REV1: variants seen among roughly 807,000 people sequenced by gnomAD.
The protein encoded by REV1 is REV1 DNA directed polymerase, also known as translesion synthesis protein REV1.
REV1 carries 42 observed loss-of-function variants against 137.4 expected under a neutral mutation model. The ratio of observed to expected loss-of-function variants is 0.31; its 90% CI spans 0.24 to 0.40. The LOEUF is 0.40. Ranked by LOEUF, REV1 falls within the 10% of genes least tolerant of loss-of-function variation. The pLI, the probability that REV1 is intolerant of heterozygous loss-of-function variation, is 1.00. For synonymous variants in REV1, 524 were observed against 519.2 expected (o/e 1.01, Z -0.12); for missense variants, 1,282 against 1,490.1 (o/e 0.86, Z 2.30).
chr2:99,430,687 A>C (rs973767157), intron 8 of REV1, among the ~76,000 whole-genome samples: 4 of 152,212 alleles, frequency 2.6e-5, no homozygotes, highest in Non-Finnish European at 5.9e-5. Flanking sequence ...CAAATTTACA[A>C]CTTTACACAA....
chr2:99,467,785 CCT>C (rs1684973105), intron 1 of REV1, among the ~76,000 whole-genome samples: 2 of 152,216 alleles, frequency 1.3e-5, no homozygotes, highest in Admixed American at 1.3e-4. Flanking sequence ...GTGGCTCACC[CCT>C]GTAATCCCAG....
chr2:99,472,774 G>C (rs528977647), intron 1 of REV1, among the ~76,000 whole-genome samples: 35 of 152,324 alleles, frequency 2.3e-4, no homozygotes, highest in African/African-American at 8.2e-4. Context: ...GAGTGACTAA[G>C]TACATAAAGT....
At chr2:99,419,404 GT>G (rs1256225291) in intron 11 of REV1, among the ~76,000 whole-genome samples, 1 of 151,648 alleles carries the variant, frequency 6.6e-6, no homozygotes, top group Non-Finnish European at 1.5e-5. Context: ...TACAGACGGG[GT>G]TTCACCATGT....
intron 12 of REV1, among the ~76,000 whole-genome samples, chr2:99,413,225 CACTT>C (rs1677424437): frequency 6.6e-6 from 1 of 152,180 alleles, no homozygotes; most frequent in Admixed American, 6.5e-5. Flanking sequence ...TCAAAAATGT[CACTT>C]TCTTTATTAG....
At chr2:99,444,142 T>C (rs889510522) in intron 4 of REV1, among the ~76,000 whole-genome samples, 1 of 152,190 alleles carries the variant, frequency 6.6e-6, no homozygotes, top group Non-Finnish European at 1.5e-5. Flanking sequence ...TAATAGTTGG[T>C]CTCAATTGCC....
At chr2:99,486,528 CA>C (rs36112989) in intron 1 of REV1, among the ~76,000 whole-genome samples, 47 of 145,876 alleles carry the variant, frequency 3.2e-4, no homozygotes, top group Non-Finnish European at 3.6e-4. Flanking sequence ...GACTCCATCT[CA>C]AAAAAAAAAA....
chr2:99,464,927 T>G lies in REV1; in HGVS notation c.49A>C (p.Thr17Pro). The change falls in exon 2 of 23, where the codon ACA becomes CCA. Residue 17 changes from threonine to proline, a missense_variant. Physicochemically the swap from Thr to Pro is conservative, Grantham distance 38 (BLOSUM62 -1). Transcript: ENST00000258428. ...RKRAENDGWE[T>P]WGGYMAAKVQ... ...TTTACTCTTTTAAAACACACCCATG[T>G]TTCCCAGCCATCATTTTCAGCTCGC... The G allele has an allele frequency of 6.2e-7, 1 of 1,613,444 alleles. No individual in the cohort carries two copies. Among genetic ancestry groups the G allele is most frequent in the African/African-American group, 1.3e-5 (1 of 75,044 alleles).
At chr2:99,435,339 T>C (rs1478026457) in intron 7 of REV1, 1 of 152,310 alleles carries the variant, frequency 6.6e-6, no homozygotes. Flanking sequence ...TTCACAAATA[T>C]CTGCAATTTC....
rs765400663 is a variant in REV1, at chr2:99,442,445, G to C, written c.375C>G (p.Ser125=). ...TGGTGTACAGCTGATATGGAATGTAGGAGAGGAGTCGTCCAGCTTTGATGC... is the reference window on the plus strand; with the variant it reads ...TGGTGTACAGCTGATATGGAATGTACGAGAGGAGTCGTCCAGCTTTGATGC... ...VESIKAGRLL[S]YIPYQLYTKQ... The change falls in exon 5 of 23, where the codon TCC becomes TCG. Residue 125 remains serine, a synonymous_variant. Transcript: ENST00000258428. 3.0e-5 allele frequency: 49 copies of C among 1,613,774 alleles called. No homozygotes were observed. Among genetic ancestry groups the C allele is most frequent in the Non-Finnish European group, 4.1e-5 (48 of 1,179,860 alleles).
At chr2:99,403,216 C>CA (rs1675750440) in intron 19 of REV1, 110 bp from the exon 20 acceptor site, 1 of 851,646 alleles carries the variant, frequency 1.2e-6, no homozygotes, top group Non-Finnish European at 1.8e-6. Context: ...CCCTAGCCTA[C>CA]ACCTCCCCTC....
At chr2:99,420,315 C>T (rs1559314008) in intron 11 of REV1, among the ~76,000 whole-genome samples, 1 of 152,154 alleles carries the variant, frequency 6.6e-6, no homozygotes, top group Non-Finnish European at 1.5e-5. Context: ...TTCCTAAAGA[C>T]AGTAAACCTC....
At chr2:99,403,886 A>T in intron 18 of REV1, 71 bp from the exon 19 acceptor site, 1 of 1,553,816 alleles carries the variant, frequency 6.4e-7, no homozygotes, top group South Asian at 1.2e-5. Context: ...TCTTTTTCAC[A>T]AAACAGACTT....
chr2:99,457,641 T>C (rs570988831), intron 3 of REV1, among the ~76,000 whole-genome samples: 1 of 148,642 alleles, frequency 6.7e-6, no homozygotes, highest in East Asian at 2.0e-4. Flanking sequence ...GCTGAGATCA[T>C]ACCACTGTAC....
At chr2:99,459,013 A>C (rs192945209) in intron 3 of REV1, among the ~76,000 whole-genome samples, 2,541 of 152,072 alleles carry the variant, frequency 0.017, 62 homozygotes, top group African/African-American at 0.05. Flanking sequence ...TCAAGACCAT[A>C]CTGGCTAACA....
chr2:99,440,582 G>T (rs546687241), intron 5 of REV1, among the ~76,000 whole-genome samples: 1 of 152,138 alleles, frequency 6.6e-6, no homozygotes, highest in Non-Finnish European at 1.5e-5. Context: ...TGCCAGTGAT[G>T]GGGAAAAAGA....
chr2:99,486,283 AC>A (rs1277391447), intron 1 of REV1, among the ~76,000 whole-genome samples: 1 of 152,228 alleles, frequency 6.6e-6, no homozygotes, highest in African/African-American at 2.4e-5. Context: ...TAATCCCAGC[AC>A]TTTGGGAGGC....
intron 6 of REV1, among the ~76,000 whole-genome samples, chr2:99,437,061 C>A (rs7582133): frequency 0.16 from 24,270 of 149,374 alleles, 2,458 homozygotes; most frequent in African/African-American, 0.27. Context: ...CGATCTGCAA[C>A]CTCAACCCCT....
intron 1 of REV1, among the ~76,000 whole-genome samples, chr2:99,487,626 G>GAACA (rs1687276733): frequency 8.6e-6 from 1 of 116,954 alleles, no homozygotes; most frequent in Non-Finnish European, 1.8e-5. Context: ...GCTTCAGTTG[G>GAACA]TGCTATTATA....
At chr2:99,418,450 ACATAG>A (rs1448464069) in intron 12 of REV1, among the ~76,000 whole-genome samples, 1 of 152,216 alleles carries the variant, frequency 6.6e-6, no homozygotes, top group Non-Finnish European at 1.5e-5. Flanking sequence ...CTGCAGCATG[ACATAG>A]GAGAATCGAA....
Sources: allele counts gnomAD v4.1 joint callset (sites outside exome capture counted in the v4.1 genomes callset), GRCh38; gene constraint gnomAD v4.1.1; transcripts MANE v1.5; gene names NCBI Gene and HGNC (gene_info 2026-07-23, HGNC 2026-07-21).